CDH10: variants seen among roughly 807,000 people sequenced by gnomAD.
CDH10 encodes cadherin-10.
Under a neutral mutation model 73.1 loss-of-function variants are expected in CDH10, and 30 were observed. That is an observed-to-expected ratio of 0.41 (90% CI 0.31 to 0.56). The LOEUF (loss-of-function observed/expected upper bound fraction) is 0.56, where lower values mean the gene tolerates loss of function less well. Among genes scored for constraint, CDH10 ranks in the 20% least tolerant of loss-of-function variants. The pLI is 0.27. For synonymous variants in CDH10, 345 were observed against 348.2 expected (o/e 0.99, Z 0.10); for missense variants, 815 against 973.7 (o/e 0.84, Z 2.17).
chr5:24,499,063 G>A (rs1196041333), intron 8 of CDH10, among the ~76,000 whole-genome samples: 4 of 152,100 alleles, frequency 2.6e-5, no homozygotes, highest in South Asian at 2.1e-4. Flanking sequence ...AAGGTCCTTC[G>A]CTCGTAAGTG....
chr5:24,567,535 C>T (rs531715091), intron 2 of CDH10, among the ~76,000 whole-genome samples: 1 of 151,366 alleles, frequency 6.6e-6, no homozygotes, highest in Non-Finnish European at 1.5e-5. Flanking sequence ...GAAAAAGAAG[C>T]TGGATATGTA....
intron 1 of CDH10, among the ~76,000 whole-genome samples, chr5:24,620,973 C>T (rs1424759751): frequency 6.6e-6 from 1 of 152,186 alleles, no homozygotes. Flanking sequence ...GCATAATATA[C>T]AAGACACTTG....
chr5:24,622,796 C>T (rs2112172570), intron 1 of CDH10, among the ~76,000 whole-genome samples: 1 of 152,206 alleles, frequency 6.6e-6, no homozygotes, highest in South Asian at 2.1e-4. Flanking sequence ...GGGGAAACAA[C>T]CCTCTAATGT....
chr5:24,543,705 C>A (rs1744236703), intron 2 of CDH10, among the ~76,000 whole-genome samples: 1 of 151,930 alleles, frequency 6.6e-6, no homozygotes, highest in South Asian at 2.1e-4. Flanking sequence ...ACAACAACAA[C>A]AACAAAAAAA....
At chr5:24,583,792 G>A (rs981273247) in intron 2 of CDH10, among the ~76,000 whole-genome samples, 1 of 152,074 alleles carries the variant, frequency 6.6e-6, no homozygotes, top group African/African-American at 2.4e-5. Context: ...TTACAGGCAT[G>A]TGCCACCAAG....
intron 2 of CDH10, among the ~76,000 whole-genome samples, chr5:24,561,033 T>C (rs957867013): frequency 6.6e-6 from 1 of 152,174 alleles, no homozygotes; most frequent in Non-Finnish European, 1.5e-5. Flanking sequence ...ACAATCGTTG[T>C]CTTGCAATAG....
chr5:24,510,371 G>A (rs190732290), intron 6 of CDH10, among the ~76,000 whole-genome samples: 273 of 152,098 alleles, frequency 1.8e-3, no homozygotes, highest in African/African-American at 5.9e-3. Context: ...ATAGTAATTT[G>A]GTAAATAGGT....
rs777873507 is a variant in CDH10 at position 24,511,466 on chromosome 5, A to G, written c.863T>C (p.Ile288Thr). 1.2e-6 allele frequency: 2 copies of G among 1,607,816 alleles called. No individual in the cohort carries two copies. The highest frequency in any genetic ancestry group is 2.2e-5 in the East Asian group (1 of 44,724). ...VLESSPVGTA[I>T]GSVKATDADT... ...AGCATCAGTTGCTTTGACACTTCCA[A>G]TGGCTGTGCCAACTGGGGAGGATTC... The change falls in exon 6 of 12, where the codon ATT becomes ACT. Residue 288 changes from isoleucine (I) to threonine (T), a missense_variant. Transcript: ENST00000264463.
intron 1 of CDH10, chr5:24,613,315 A>G (rs1436169337): frequency 6.6e-6 from 1 of 152,112 alleles, no homozygotes; most frequent in East Asian, 1.9e-4. Context: ...TGCTGTTAAT[A>G]TATCTATGAG....
At chr5:24,565,141 A>ATCT (rs201399869) in intron 2 of CDH10, among the ~76,000 whole-genome samples, 1,972 of 152,274 alleles carry the variant, frequency 0.013, 46 homozygotes, top group African/African-American at 0.045. Context: ...GTATAGGTTA[A>ATCT]TCTTCAATAG....
intron 2 of CDH10, among the ~76,000 whole-genome samples, chr5:24,561,071 T>C (rs1393546956): frequency 2.6e-5 from 4 of 152,080 alleles, no homozygotes; most frequent in Non-Finnish European, 5.9e-5. Context: ...ATTCAGTATT[T>C]AAAGTGCTTA....
intron 2 of CDH10, among the ~76,000 whole-genome samples, chr5:24,575,355 C>CAAAAAAAAAAAA (rs751333761): frequency 8.9e-5 from 11 of 123,794 alleles, no homozygotes; most frequent in African/African-American, 1.4e-4. Flanking sequence ...ACAAAAACAA[C>CAAAAAAAAAAAA]AAAAAAAAAA....
At chr5:24,521,764 G>A (rs1347583533) in intron 5 of CDH10, among the ~76,000 whole-genome samples, 1 of 152,066 alleles carries the variant, frequency 6.6e-6, no homozygotes, top group Admixed American at 6.6e-5. Flanking sequence ...AATAATGGAT[G>A]GGTTAAAAAG....
rs552514757 is a variant in CDH10 at position 24,621,476 on chromosome 5, A to C, written c.-124+23118T>G. Among the ~76,000 whole-genome samples, 4 of 152,352 alleles carry C rather than the reference A, an allele frequency of 2.6e-5. No homozygotes were observed. The South Asian group carries it at 8.3e-4, about 32-fold the overall frequency. On this transcript the variant is annotated intron_variant, in intron 1 of 11. Transcript: ENST00000264463. ...AACCAGCAAACTCACTGTCAGCAAG[A>C]AGCTTGATTTCACTGAGAGGATATC...
At chr5:24,532,549 C>A (rs1045678951) in intron 5 of CDH10, among the ~76,000 whole-genome samples, 2 of 152,002 alleles carry the variant, frequency 1.3e-5, no homozygotes, top group African/African-American at 2.4e-5. Context: ...AGCCAAGCCA[C>A]TAACCGTCAT....
Position 24,487,407 on chromosome 5 carries a change from C to A in CDH10, c.*256G>T. Reference sequence around the variant, plus strand: ...ATCCTGTTCATGTTTCTGAAATTATCTTTTATTTACTAAGATGGACAACAC... The same window carrying A: ...ATCCTGTTCATGTTTCTGAAATTATATTTTATTTACTAAGATGGACAACAC... On this transcript the variant is annotated 3_prime_UTR_variant, in exon 12 of 12. Coordinates refer to ENST00000264463, the MANE Select transcript of CDH10 (RefSeq NM_006727.5). 2.6e-6 allele frequency: 1 copy of A among 382,566 alleles called. No individual in the cohort carries two copies. Among genetic ancestry groups the A allele is most frequent in the African/African-American group, 2.0e-5 (1 of 49,334 alleles). The allele number at this position is 382,566 out of a possible 1,614,324, so 23.7% of individuals were successfully genotyped here. A position where few individuals can be genotyped will look rare whatever the true frequency, so the allele number is the denominator to read the frequency against.
intron 1 of CDH10, among the ~76,000 whole-genome samples, chr5:24,598,554 GT>G (rs1159026509): frequency 1.3e-5 from 2 of 149,780 alleles, no homozygotes; most frequent in African/African-American, 4.9e-5. Flanking sequence ...AAAAAAAAAG[GT>G]GGACCATTTT....
rs1746866132 is a variant in CDH10 at position 24,609,332 on chromosome 5, TAGA to T, written c.-123-15722_-123-15720del. Among the ~76,000 whole-genome samples, 5 of 152,236 alleles carry T rather than the reference TAGA, an allele frequency of 3.3e-5. No individual in the cohort carries two copies. The South Asian group carries it at 1.0e-3, about 32-fold the overall frequency. ...GGTGGAACGATAGTTGGGGGGAGGT[TAGA>T]AGAAGCACAGGCTGCGTGGAAAGTA... On this transcript the variant is annotated intron_variant, in intron 1 of 11. Transcript: ENST00000264463.
chr5:24,575,355 C>CAACAAAAAAAAAA (rs1561173472), intron 2 of CDH10, among the ~76,000 whole-genome samples: 1 of 123,850 alleles, frequency 8.1e-6, no homozygotes, highest in Non-Finnish European at 1.6e-5. Context: ...ACAAAAACAA[C>CAACAAAAAAAAAA]AAAAAAAAAA....
Sources: allele counts gnomAD v4.1 joint callset (sites outside exome capture counted in the v4.1 genomes callset), GRCh38; gene constraint gnomAD v4.1.1; transcripts MANE v1.5; gene names NCBI Gene and HGNC (gene_info 2026-07-23, HGNC 2026-07-21).